The following PRKN variants were observed in gnomAD, a reference collection of about 807,000 sequenced individuals.
PRKN encodes parkin RBR E3 ubiquitin protein ligase.
In PRKN, 56 loss-of-function variants were observed where a neutral mutation model predicts 59.5. The observed-to-expected ratio is 0.94, with a 90% CI of 0.76 to 1.18. PRKN has a LOEUF of 1.18. Ranked by LOEUF, PRKN falls within the 50% of genes most tolerant of loss-of-function variation. The pLI is 0.00. For missense variants in PRKN, 657 were observed against 596.4 expected (o/e 1.10, Z -1.06); for synonymous variants, 250 against 222.1 (o/e 1.13, Z -1.12).
At chr6:162,053,250 C>T (rs965500148) in intron 5 of PRKN, among the ~76,000 whole-genome samples, 14 of 152,164 alleles carry the variant, frequency 9.2e-5, no homozygotes, top group South Asian at 4.1e-4. Flanking sequence ...CTCGCTCAAA[C>T]GCTGTACCTG....
chr6:161,680,760 TATATATATATA>T (rs1185656785), intron 7 of PRKN, among the ~76,000 whole-genome samples: 43 of 17,982 alleles, frequency 2.4e-3, no homozygotes, highest in East Asian at 9.3e-3. Flanking sequence ...TATATATATA[TATATATATATA>T]TATATTTTTT....
chr6:161,661,036 A>C (rs1784524926), intron 7 of PRKN, among the ~76,000 whole-genome samples: 1 of 151,944 alleles, frequency 6.6e-6, no homozygotes, highest in African/African-American at 2.4e-5. Flanking sequence ...GTGGCTTCTC[A>C]CTGACCTCAG....
chr6:162,089,955 C>G (rs1000667326), intron 4 of PRKN, among the ~76,000 whole-genome samples: 2 of 152,036 alleles, frequency 1.3e-5, no homozygotes, highest in Non-Finnish European at 2.9e-5. Context: ...TGGCAGTGTT[C>G]TAAAATTTGA....
intron 1 of PRKN, among the ~76,000 whole-genome samples, chr6:162,474,227 A>G (rs1791894298): frequency 6.6e-6 from 1 of 152,218 alleles, no homozygotes; most frequent in East Asian, 1.9e-4. Context: ...CAAAGGGAAG[A>G]TACGCCAGCA....
chr6:161,850,301 C>A (rs1488698747), intron 6 of PRKN, among the ~76,000 whole-genome samples: 1 of 152,106 alleles, frequency 6.6e-6, no homozygotes, highest in Admixed American at 6.5e-5. Flanking sequence ...TCTATGAAGC[C>A]AGGCGCGGCA....
At chr6:162,644,550 A>T (rs1778090899) in intron 1 of PRKN, among the ~76,000 whole-genome samples, 1 of 152,122 alleles carries the variant, frequency 6.6e-6, no homozygotes. Context: ...TCCATAAAAA[A>T]TAACCGTTGA....
At chr6:162,448,776 T>G (rs1257929748) in intron 1 of PRKN, among the ~76,000 whole-genome samples, 2 of 151,842 alleles carry the variant, frequency 1.3e-5, no homozygotes, top group Non-Finnish European at 1.5e-5. Context: ...TTTCCAGACT[T>G]GCCATCTCCC....
chr6:162,068,839 C>T (rs745569150), intron 4 of PRKN, among the ~76,000 whole-genome samples: 1 of 20,778 alleles, frequency 4.8e-5, no homozygotes, highest in African/African-American at 2.0e-4. Context: ...GTCACTGGGC[C>T]GGGGGGGTGG....
intron 9 of PRKN, among the ~76,000 whole-genome samples, chr6:161,512,642 A>G (rs1778436535): frequency 6.6e-6 from 1 of 152,152 alleles, no homozygotes. Flanking sequence ...CAAAATAACC[A>G]CACAACCAAG....
intron 1 of PRKN, among the ~76,000 whole-genome samples, chr6:162,563,206 A>T (rs1779922509): frequency 6.6e-6 from 1 of 152,126 alleles, no homozygotes; most frequent in Admixed American, 6.6e-5. Flanking sequence ...CGGGAGGCTG[A>T]GGCAGGAGAA....
chr6:161,977,529 TTC>T (rs1315746903), intron 5 of PRKN, among the ~76,000 whole-genome samples: 2,029 of 129,362 alleles, frequency 0.016, 52 homozygotes, highest in African/African-American at 0.053. Flanking sequence ...CTTCTCTACT[TTC>T]TGTTTTTTTG....
In PRKN at chr6:161,405,193, T is replaced by C. The variant is rs1050935654; in HGVS notation, c.1084-18316A>G. Among the ~76,000 whole-genome samples, 8 of 152,172 alleles carry C rather than the reference T, an allele frequency of 5.3e-5. No individual in the cohort carries two copies. The highest frequency in any genetic ancestry group is 1.9e-4 in the African/African-American group (8 of 41,428). ...GGGTGAAATAGGCTTGGTCACACAGTGACAAGATTTACAATGGGATTTGGG... is the reference window on the plus strand; with the variant it reads ...GGGTGAAATAGGCTTGGTCACACAGCGACAAGATTTACAATGGGATTTGGG... On this transcript the variant is annotated intron_variant, in intron 9 of 11. Coordinates refer to ENST00000366898, the MANE Select transcript of PRKN (RefSeq NM_004562.3). This position sits in a 1 kb window ranked among gnomAD's most constrained non-coding sequence, Gnocchi z 5.1.
intron 1 of PRKN, among the ~76,000 whole-genome samples, chr6:162,495,881 C>T (rs749129249): frequency 6.6e-6 from 1 of 152,134 alleles, no homozygotes; most frequent in Non-Finnish European, 1.5e-5. Flanking sequence ...ACTCCTGCCC[C>T]CTTTCCATAC....
intron 2 of PRKN, among the ~76,000 whole-genome samples, chr6:162,355,067 G>C (rs1192434464): frequency 6.6e-6 from 1 of 151,698 alleles, no homozygotes; most frequent in Non-Finnish European, 1.5e-5. Context: ...GAAATACAAA[G>C]CCTATAAGAC....
rs1343956637 is a variant in PRKN at position 161,533,112 on chromosome 6, A to G, written c.1083+15742T>C. Among the ~76,000 whole-genome samples the G allele has an allele frequency of 6.6e-6, 1 of 152,118 alleles. No homozygotes were observed. The highest frequency in any genetic ancestry group is 2.4e-5 in the African/African-American group (1 of 41,364). ...ATTAGCTATTAAACATTATACAGAG[A>G]GTGGTTATGAATTCAATTTCTAAAT... On this transcript the variant is annotated intron_variant, in intron 9 of 11. Transcript: ENST00000366898. This position sits in a 1 kb window ranked among gnomAD's most constrained non-coding sequence, Gnocchi z 4.1.
chr6:161,651,574 G>A (rs1331132903), intron 7 of PRKN, among the ~76,000 whole-genome samples: 1 of 152,154 alleles, frequency 6.6e-6, no homozygotes, highest in Non-Finnish European at 1.5e-5. Context: ...CATCTCTCCA[G>A]GGGCTGTGAG....
intron 1 of PRKN, among the ~76,000 whole-genome samples, chr6:162,492,956 CAAAAAAAAAAAA>C (rs34716532): frequency 9.1e-6 from 1 of 110,348 alleles, no homozygotes; most frequent in Non-Finnish European, 1.8e-5. Flanking sequence ...TTGTCTCAAA[CAAAAAAAAAAAA>C]AAAAAAAAAG....
At chr6:161,875,391 A>T (rs1794697981) in intron 6 of PRKN, among the ~76,000 whole-genome samples, 1 of 151,634 alleles carries the variant, frequency 6.6e-6, no homozygotes, top group African/African-American at 2.4e-5. Flanking sequence ...ACGGGGTTTC[A>T]TCATGTTGGG....
intron 1 of PRKN, among the ~76,000 whole-genome samples, chr6:162,449,552 A>G (rs2128170187): frequency 6.6e-6 from 1 of 151,908 alleles, no homozygotes; most frequent in Middle Eastern, 3.4e-3. Context: ...TTTATTTTTT[A>G]ATTGCTATTT....
Sources: allele counts gnomAD v4.1 joint callset (sites outside exome capture counted in the v4.1 genomes callset), GRCh38; gene constraint gnomAD v4.1.1; non-coding constraint Gnocchi (gnomAD v3.1); transcripts MANE v1.5; gene names NCBI Gene and HGNC (gene_info 2026-07-23, HGNC 2026-07-21).